NPSR1: variants seen among roughly 807,000 people sequenced by gnomAD.
NPSR1 encodes neuropeptide S receptor 1.
Under a neutral mutation model 46.9 loss-of-function variants are expected in NPSR1, and 48 were observed. That is an observed-to-expected ratio of 1.02 (90% confidence interval 0.81 to 1.30). The LOEUF is 1.30. Among genes scored for constraint, NPSR1 ranks in the 50% most tolerant of loss-of-function variants. NPSR1 has a pLI of 0.00. For missense variants in NPSR1, 450 were observed against 449.5 expected (o/e 1.00, Z -0.01); for synonymous variants, 176 against 168.1 (o/e 1.05, Z -0.36).
At chr7:34,755,064 C>T (rs1028968077) in intron 2 of NPSR1, among the ~76,000 whole-genome samples, 1 of 152,164 alleles carries the variant, frequency 6.6e-6, no homozygotes, top group East Asian at 1.9e-4. Flanking sequence ...CCTTTTGGCT[C>T]TTAGGAATAA....
chr7:34,819,991 A>C (rs1002927871), intron 4 of NPSR1, among the ~76,000 whole-genome samples: 3 of 152,252 alleles, frequency 2.0e-5, no homozygotes, highest in African/African-American at 7.2e-5. Context: ...TGATGGGTGC[A>C]GCAAACCAAC....
chr7:34,717,131 T>C (rs1047265876), intron 2 of NPSR1, among the ~76,000 whole-genome samples: 7 of 152,222 alleles, frequency 4.6e-5, no homozygotes, highest in African/African-American at 1.7e-4. Flanking sequence ...AATGAGTCTT[T>C]TTTGTTTGAT....
intron 2 of NPSR1, chr7:34,753,838 CAAAAAT>C (rs1308500607): frequency 2.0e-5 from 3 of 151,604 alleles, no homozygotes; most frequent in African/African-American, 7.3e-5. Flanking sequence ...CCTGTCTCTA[CAAAAAT>C]AAAAATAAGT....
chr7:34,684,573 TG>T lies in NPSR1; in HGVS notation c.172del (p.Val58SerfsTer26). ...GCAGACTGAGCAATTGATAACTCTG[TG>T]GGTCCTCTTTGTTTTTACCATTGTT... ...SFKTEQLITL[W>X]VLFVFTIVGN... On this transcript the variant is annotated frameshift_variant, in exon 2 of 9. Transcript: ENST00000360581. LOFTEE classifies it high-confidence loss of function. 6.2e-7 allele frequency: 1 copy of T among 1,613,820 alleles called. No individual in the cohort carries two copies. Among genetic ancestry groups the T allele is most frequent in the Non-Finnish European group, 8.5e-7 (1 of 1,179,858 alleles).
intron 1 of NPSR1, among the ~76,000 whole-genome samples, chr7:34,672,788 C>T (rs941743662): frequency 1.1e-4 from 16 of 152,186 alleles, no homozygotes; most frequent in Non-Finnish European, 2.2e-4. Context: ...AAAGGCAATT[C>T]AGGTGAAGAC....
At chr7:34,750,616 A>T in intron 2 of NPSR1, 3 of 688,350 alleles carry the variant, frequency 4.4e-6, no homozygotes, top group Non-Finnish European at 8.2e-6. Flanking sequence ...CATCTATTAT[A>T]GCCTTGCCCT....
At chr7:34,828,769 A>G (rs1468098647) in intron 5 of NPSR1, among the ~76,000 whole-genome samples, 1 of 152,244 alleles carries the variant, frequency 6.6e-6, no homozygotes, top group Admixed American at 6.5e-5. Context: ...GATCAAAGGT[A>G]TAGATCAAAG....
chr7:34,828,696 G>A (rs756734580), intron 5 of NPSR1, among the ~76,000 whole-genome samples: 1 of 152,146 alleles, frequency 6.6e-6, no homozygotes, highest in Non-Finnish European at 1.5e-5. Flanking sequence ...AAAAATCCTT[G>A]TACTTAAAAC....
At chr7:34,672,879 T>C (rs1381230752) in intron 1 of NPSR1, among the ~76,000 whole-genome samples, 1 of 152,168 alleles carries the variant, frequency 6.6e-6, no homozygotes, top group South Asian at 2.1e-4. Context: ...ACACAGGCCC[T>C]GGACCTTGTC....
At chr7:34,806,042 A>G (rs1177336641) in intron 3 of NPSR1, among the ~76,000 whole-genome samples, 2 of 152,072 alleles carry the variant, frequency 1.3e-5, no homozygotes, top group East Asian at 3.8e-4. Context: ...ATGGCTGATG[A>G]GGATGAATAT....
At chr7:34,876,072 G>A (rs1791567303) in intron 8 of NPSR1, among the ~76,000 whole-genome samples, 2 of 152,212 alleles carry the variant, frequency 1.3e-5, no homozygotes, top group South Asian at 4.1e-4. Flanking sequence ...GGTGGGGCAG[G>A]GAGAGATGAA....
intron 2 of NPSR1, among the ~76,000 whole-genome samples, chr7:34,691,227 A>C (rs1188900520): frequency 6.6e-6 from 1 of 152,224 alleles, no homozygotes; most frequent in Non-Finnish European, 1.5e-5. Context: ...TGCTCAAAGG[A>C]GTTCTAAACA....
Position 34,869,891 on chromosome 7 carries a change from C to T in NPSR1, c.1026-8185C>T, listed in dbSNP as rs555182074. Among the ~76,000 whole-genome samples, 4 of 151,920 alleles carry T rather than the reference C, an allele frequency of 2.6e-5. No individual in the cohort carries two copies. The South Asian group carries it at 6.2e-4, about 24-fold the overall frequency. ...CTCTTCCCTACTCTGCATTCAGTGA[C>T]ATTGCTTTGGTAGCTTGAAATCAAC... On this transcript the variant is annotated intron_variant, in intron 8 of 8. Transcript: ENST00000359791.
At chr7:34,859,184 G>A (rs565593647) in intron 8 of NPSR1, among the ~76,000 whole-genome samples, 21 of 151,844 alleles carry the variant, frequency 1.4e-4, no homozygotes, top group African/African-American at 5.1e-4. Flanking sequence ...AGCATCCAGT[G>A]ATAGCAGGAA....
chr7:34,864,688 T>A lies in NPSR1; in HGVS notation c.1026-13388T>A, dbSNP rs189652995. Among the ~76,000 whole-genome samples, 245 of 152,010 alleles carry A rather than the reference T, an allele frequency of 1.6e-3. 4 individuals are homozygous for A. Among genetic ancestry groups the A allele is most frequent in the Non-Finnish European group, 2.3e-3 (158 of 68,036 alleles). ...AAATGTTGGAGTTGAGATGTCCAAA[T>A]ATAACTTCCTTTTTCCTCATGAGCA... On this transcript the variant is annotated intron_variant, in intron 8 of 8. Coordinates refer to the NPSR1 transcript ENST00000359791.
Position 34,779,202 on chromosome 7 carries a change from A to G in NPSR1, c.384+637A>G, listed in dbSNP as rs1469799228. On this transcript the variant is annotated intron_variant, in intron 3 of 8. Transcript: ENST00000360581. ...ATGTATATTTGATTTAAAATATTAC[A>G]TATATACATATTTACATATATACAT... Among the ~76,000 whole-genome samples, 3 of 152,126 alleles carry G rather than the reference A, an allele frequency of 2.0e-5. No homozygotes were observed. In the East Asian group the frequency reaches 5.8e-4, roughly 29 times the overall value.
At chr7:34,683,943 G>A (rs1231329162) in intron 1 of NPSR1, among the ~76,000 whole-genome samples, 3 of 152,122 alleles carry the variant, frequency 2.0e-5, no homozygotes, top group Non-Finnish European at 4.4e-5. Flanking sequence ...ATAAAATTCT[G>A]TCAAATGAAC....
intron 2 of NPSR1, among the ~76,000 whole-genome samples, chr7:34,693,409 C>T (rs1294318120): frequency 3.9e-5 from 6 of 152,184 alleles, no homozygotes; most frequent in Non-Finnish European, 7.4e-5. Flanking sequence ...ATGGATAAAT[C>T]CCAGAAACAT....
chr7:34,701,930 G>A (rs1488111110), intron 2 of NPSR1, among the ~76,000 whole-genome samples: 1 of 152,152 alleles, frequency 6.6e-6, no homozygotes, highest in Non-Finnish European at 1.5e-5. Flanking sequence ...TTGAGTTGAT[G>A]AATCTGCTGG....
Sources: allele counts gnomAD v4.1 joint callset (sites outside exome capture counted in the v4.1 genomes callset), GRCh38; gene constraint gnomAD v4.1.1; transcripts MANE v1.5; gene names NCBI Gene and HGNC (gene_info 2026-07-23, HGNC 2026-07-21).